Variants in PLCE1 observed in about 807,000 individuals in gnomAD.
PLCE1 encodes phospholipase C epsilon 1.
Under a neutral mutation model 242.8 loss-of-function variants are expected in PLCE1, and 119 were observed. That is an observed-to-expected ratio of 0.49 (90% confidence interval 0.42 to 0.57). The LOEUF (loss-of-function observed/expected upper bound fraction) is 0.57, where lower values mean the gene tolerates loss of function less well. Among genes scored for constraint, PLCE1 ranks in the 20% least tolerant of loss-of-function variants. The pLI is 0.00. For missense variants in PLCE1, 2,441 were observed against 2,788.8 expected (o/e 0.88, Z 2.81); for synonymous variants, 945 against 1,017.4 (o/e 0.93, Z 1.35).
chr10:94,147,193 A>G (rs2136074643), intron 3 of PLCE1, among the ~76,000 whole-genome samples: 1 of 152,098 alleles, frequency 6.6e-6, no homozygotes, highest in East Asian at 1.9e-4. Context: ...AGGCCGAGGC[A>G]CGCAGATCAC....
chr10:94,206,092 G>A (rs1228244785), intron 4 of PLCE1, among the ~76,000 whole-genome samples: 1 of 152,206 alleles, frequency 6.6e-6, no homozygotes, highest in African/African-American at 2.4e-5. Flanking sequence ...AAGGCAGAGG[G>A]ATGGGAAGTG....
intron 19 of PLCE1, among the ~76,000 whole-genome samples, chr10:94,275,810 G>A (rs1011387857): frequency 1.3e-5 from 2 of 151,928 alleles, no homozygotes; most frequent in African/African-American, 4.8e-5. Flanking sequence ...ATACCAGTCT[G>A]GGCCATAGAG....
chr10:93,999,204 G>A (rs879287815), intron 1 of PLCE1, among the ~76,000 whole-genome samples: 2 of 152,198 alleles, frequency 1.3e-5, no homozygotes, highest in Non-Finnish European at 2.9e-5. Flanking sequence ...AATATAGCTA[G>A]CATTTAGTAA....
intron 2 of PLCE1, among the ~76,000 whole-genome samples, chr10:94,093,193 A>G (rs1416049733): frequency 2.6e-5 from 4 of 152,218 alleles, no homozygotes. Flanking sequence ...AAAATTGCCC[A>G]GCTCCATCTC....
At chr10:94,178,753 A>G (rs1280315192) in intron 4 of PLCE1, among the ~76,000 whole-genome samples, 1 of 152,246 alleles carries the variant, frequency 6.6e-6, no homozygotes, top group Non-Finnish European at 1.5e-5. Context: ...AGCTATGGAA[A>G]GACCATTTCA....
chr10:94,234,092 A>G lies in PLCE1; in HGVS notation c.1994A>G (p.Gln665Arg). 1 of 1,613,846 alleles carries G rather than the reference A, an allele frequency of 6.2e-7. No individual in the cohort carries two copies. The highest frequency in any genetic ancestry group is 8.5e-7 in the Non-Finnish European group (1 of 1,179,722). The change falls in exon 6 of 33, where the codon CAG (glutamine) becomes CGG (arginine). Residue 665 changes from glutamine to arginine, a missense_variant. By Grantham distance (43) the Gln-to-Arg change is conservative. Coordinates refer to ENST00000371380, the MANE Select transcript of PLCE1 (RefSeq NM_016341.4). The part of the protein sequence containing the change: ...KVLKMWQFMD[Q>R]SDIETMRSLK... ...TTAAAAATGTGGCAGTTCATGGACC[A>G]GTCTGATATTGAGACCATGAGGAGC...
intron 10 of PLCE1, 77 bp downstream of exon 10, chr10:94,254,384 TTGTG>T: frequency 2.0e-6 from 2 of 1,023,822 alleles, no homozygotes; most frequent in Non-Finnish European, 3.1e-6. Context: ...TGGTTTTAAA[TTGTG>T]ATTTAAGCAT....
chr10:94,006,218 A>G (rs533087632), intron 1 of PLCE1, among the ~76,000 whole-genome samples: 1 of 152,346 alleles, frequency 6.6e-6, no homozygotes, highest in African/African-American at 2.4e-5. Flanking sequence ...CACTTACTTC[A>G]TGGGGTTGTG....
chr10:94,207,146 G>C (rs1427136778), intron 4 of PLCE1, among the ~76,000 whole-genome samples: 1 of 152,162 alleles, frequency 6.6e-6, no homozygotes, highest in Non-Finnish European at 1.5e-5. Flanking sequence ...ATGGAGGGCA[G>C]CCCTGGCTCG....
intron 16 of PLCE1, among the ~76,000 whole-genome samples, 196 bp downstream of exon 16, chr10:94,266,154 T>C (rs1347207906): frequency 6.6e-6 from 1 of 152,212 alleles, no homozygotes; most frequent in Non-Finnish European, 1.5e-5. Flanking sequence ...TCTTTTGTTT[T>C]GTTTTCCCCC....
chr10:94,326,501 TC>T (rs2054020647), intron 32 of PLCE1, among the ~76,000 whole-genome samples: 1 of 152,230 alleles, frequency 6.6e-6, no homozygotes, highest in Non-Finnish European at 1.5e-5. Context: ...TATACACACC[TC>T]TATAACTTCT....
At chr10:94,280,256 T>G in intron 20 of PLCE1, 2 of 352,824 alleles carry the variant, frequency 5.7e-6, no homozygotes, top group Non-Finnish European at 1.1e-5. Flanking sequence ...TGAGGTTGCG[T>G]CCTTTCTCCT....
intron 2 of PLCE1, among the ~76,000 whole-genome samples, chr10:94,122,832 C>G (rs1167674791): frequency 6.6e-6 from 1 of 152,170 alleles, no homozygotes; most frequent in Non-Finnish European, 1.5e-5. Flanking sequence ...GGGTCCCAGC[C>G]CAGAGTTTTT....
chr10:94,313,159 T>C, intron 27 of PLCE1, 95 bp from the exon 28 acceptor site: 1 of 1,435,540 alleles, frequency 7.0e-7, no homozygotes, highest in Non-Finnish European at 9.8e-7. Context: ...TACATGTTCC[T>C]ATCCGTACTT....
At chr10:94,226,817 A>G (rs1193444558) in intron 4 of PLCE1, among the ~76,000 whole-genome samples, 1 of 147,806 alleles carries the variant, frequency 6.8e-6, no homozygotes, top group Non-Finnish European at 1.5e-5. Context: ...ATAAGAGATT[A>G]AGGACCTATA....
intron 14 of PLCE1, among the ~76,000 whole-genome samples, chr10:94,264,468 T>C (rs1248437956): frequency 2.7e-5 from 4 of 150,048 alleles, no homozygotes; most frequent in African/African-American, 9.8e-5. Context: ...CCATGTGAAA[T>C]GGGATACCAC....
Position 94,236,073 on chromosome 10 carries a change from A to G in PLCE1, c.2373A>G (p.Glu791=). 1 of 1,614,070 alleles carries G rather than the reference A, an allele frequency of 6.2e-7. No individual in the cohort carries two copies. The highest frequency in any genetic ancestry group is 1.3e-5 in the African/African-American group (1 of 75,060). Reference sequence around the variant, plus strand: ...CAGACGAGGAGGACAGCCCCAGTGAAGGAAACAGCTCCAGGAAAAGCTCCT... The same window carrying G: ...CAGACGAGGAGGACAGCCCCAGTGAGGGAAACAGCTCCAGGAAAAGCTCCT... ...LETDEEDSPS[E]GNSSRKSSLK... Residue 791 remains glutamate (E), a synonymous_variant, in exon 7 of 33, where the codon GAA becomes GAG. Transcript: ENST00000371380.
At chr10:94,131,892 A>G (rs2046608881) in intron 2 of PLCE1, among the ~76,000 whole-genome samples, 1 of 152,170 alleles carries the variant, frequency 6.6e-6, no homozygotes, top group Admixed American at 6.5e-5. Flanking sequence ...GCTGAGGAGG[A>G]GAAATTTGAG....
At chr10:94,108,368 C>G (rs949117788) in intron 2 of PLCE1, 1 of 152,232 alleles carries the variant, frequency 6.6e-6, no homozygotes, top group African/African-American at 2.4e-5. Context: ...TTCACCCCTA[C>G]TCTTGCCTGG....
Sources: gnomAD v4.1 joint callset for allele counts (sites outside exome capture counted in the v4.1 genomes callset) on GRCh38, gnomAD v4.1.1 for gene constraint, MANE v1.5 for transcripts, NCBI Gene and HGNC (gene_info 2026-07-23, HGNC 2026-07-21) for gene names.